The following COL4A2 variants were observed in gnomAD, a reference collection of about 807,000 sequenced individuals.
COL4A2 encodes collagen type IV alpha 2 chain.
Under a neutral mutation model 200.2 loss-of-function variants are expected in COL4A2, and 99 were observed. That is an observed-to-expected ratio of 0.49 (90% CI 0.42 to 0.58). COL4A2 has a LOEUF of 0.58. COL4A2 is among the 20% of genes least tolerant of loss of function. COL4A2 has a pLI of 0.00. For synonymous variants in COL4A2, 897 were observed against 900.6 expected (o/e 1.00, Z 0.07); for missense variants, 1,950 against 2,314.1 (o/e 0.84, Z 3.23).
intron 4 of COL4A2, among the ~76,000 whole-genome samples, chr13:110,406,041 T>C (rs1594195378): frequency 6.6e-6 from 1 of 152,356 alleles, no homozygotes. Flanking sequence ...TTTCCTGGCA[T>C]GTCAGATTTG....
chr13:110,482,499 T>C lies in COL4A2; in HGVS notation c.2759-17T>C. 1 of 1,612,534 alleles carries C rather than the reference T, an allele frequency of 6.2e-7. No individual in the cohort carries two copies. The highest frequency in any genetic ancestry group is 8.5e-7 in the Non-Finnish European group (1 of 1,178,634). On this transcript the variant is annotated splice_polypyrimidine_tract_variant and intron_variant, in intron 31 of 47. Transcript: ENST00000360467. ...TTATTCATGTCTAACCCAGCACTTT[T>C]CTCTTTTCCTCTGAAGGAGATAGAG...
chr13:110,446,517 A>G (rs1881330919), intron 17 of COL4A2, among the ~76,000 whole-genome samples: 1 of 152,222 alleles, frequency 6.6e-6, no homozygotes, highest in Non-Finnish European at 1.5e-5. Context: ...TCTGAACTAC[A>G]GAAAGCACAG....
Position 110,358,599 on chromosome 13 carries a change from C to G in COL4A2, c.180+1047C>G, listed in dbSNP as rs79745772. Among the ~76,000 whole-genome samples the G allele has an allele frequency of 6.9e-3, 1,051 of 152,316 alleles. 6 individuals are homozygous for G. Among genetic ancestry groups the G allele is most frequent in the Non-Finnish European group, 9.9e-3 (673 of 68,030 alleles). The stretch of plus-strand genomic sequence containing the variant: ...AACCAGCAACACAGCAGGTTTGTCC[C>G]CACCAGCACCACCACAAACATGTGG... On this transcript the variant is annotated intron_variant, in intron 4 of 47. Coordinates refer to ENST00000360467, the MANE Select transcript of COL4A2 (RefSeq NM_001846.4).
At chr13:110,474,142 GAAAA>G (rs1882587108) in intron 29 of COL4A2, among the ~76,000 whole-genome samples, 1 of 151,982 alleles carries the variant, frequency 6.6e-6, no homozygotes, top group Non-Finnish European at 1.5e-5. Context: ...GAAAAGAAAA[GAAAA>G]GAAAATGTGG....
intron 13 of COL4A2, 117 bp from the exon 14 acceptor site, chr13:110,437,882 TATG>T (rs1880954891): frequency 4.8e-6 from 4 of 839,040 alleles, no homozygotes; most frequent in Non-Finnish European, 6.0e-6. Flanking sequence ...GTAATCAATT[TATG>T]ATGATTGTGT....
intron 3 of COL4A2, among the ~76,000 whole-genome samples, chr13:110,331,181 T>C (rs1875895268): frequency 6.6e-6 from 1 of 152,116 alleles, no homozygotes; most frequent in Non-Finnish European, 1.5e-5. Context: ...GCCAATAAAA[T>C]CGTGTGATAG....
intron 4 of COL4A2, among the ~76,000 whole-genome samples, chr13:110,417,202 G>A (rs1043160119): frequency 3.9e-5 from 6 of 152,132 alleles, no homozygotes; most frequent in Non-Finnish European, 8.8e-5. Context: ...TGATCCGCCT[G>A]CCTCAGCCTC....
chr13:110,403,541 A>C (rs4283091), intron 4 of COL4A2, among the ~76,000 whole-genome samples: 109,156 of 152,052 alleles, frequency 0.72, 39,828 homozygotes, highest in East Asian at 0.86. Context: ...CCTTTCCTGT[A>C]CACATTTCTA....
intron 20 of COL4A2, among the ~76,000 whole-genome samples, chr13:110,452,082 G>C (rs1205627379): frequency 6.6e-6 from 1 of 152,224 alleles, no homozygotes; most frequent in Non-Finnish European, 1.5e-5. Context: ...GTTTGCTAGT[G>C]GACAGTGTTT....
chr13:110,333,900 T>G lies in COL4A2; in HGVS notation c.100-23572T>G, dbSNP rs561301401. ...CGAATGACCTCAAGTGACCTTTAGA[T>G]TAACCCTCTGAGATAGGAACTAATG... On this transcript the variant is annotated intron_variant, in intron 3 of 47. Coordinates refer to ENST00000360467, the MANE Select transcript of COL4A2 (RefSeq NM_001846.4). Among the ~76,000 whole-genome samples, 9 of 152,354 alleles carry G rather than the reference T, an allele frequency of 5.9e-5. No homozygotes were observed. The East Asian group carries it at 1.4e-3, about 23-fold the overall frequency.
rs1880960182 is a variant in COL4A2 at position 110,437,997 on chromosome 13, C to T, written c.826-5C>T. The T allele has an allele frequency of 1.9e-6, 3 of 1,611,668 alleles. No individual in the cohort carries two copies. In the African/African-American group the frequency reaches 4.0e-5, roughly 22 times the overall value. The stretch of plus-strand genomic sequence containing the variant: ...AGCGTTTCTTATTTTTCATATTCTT[C>T]ACAGGGTGAAAAAGGCAGTGAGGGG... On this transcript the variant is annotated splice_region_variant and splice_polypyrimidine_tract_variant and intron_variant, in intron 13 of 47. Transcript: ENST00000360467.
Position 110,469,323 on chromosome 13 carries a change from A to G in COL4A2, c.2202A>G (p.Pro734=). The change falls in exon 28 of 48, where the codon CCA becomes CCG. Residue 734 remains proline, a splice_region_variant and synonymous_variant. Transcript: ENST00000360467. The stretch of plus-strand genomic sequence containing the variant: ...GTCGTGAAGGGTTCCCAGGACCCCC[A>G]GGTGAGTTGAGATCAGACCCCCATT... The part of the protein sequence containing the change: ...DAGREGFPGP[P]GFIGPRGSKG... 1 of 1,574,084 alleles carries G rather than the reference A, an allele frequency of 6.4e-7. No homozygotes were observed.
intron 30 of COL4A2, among the ~76,000 whole-genome samples, chr13:110,478,409 AAAAG>A (rs1426461254): frequency 9.2e-5 from 14 of 152,376 alleles, no homozygotes; most frequent in African/African-American, 2.6e-4. Flanking sequence ...GGAAAAAAGA[AAAAG>A]AAAGAAATTC....
At chr13:110,395,702 T>C (rs746064219) in intron 4 of COL4A2, among the ~76,000 whole-genome samples, 38 of 152,278 alleles carry the variant, frequency 2.5e-4, no homozygotes, top group Non-Finnish European at 4.7e-4. Context: ...CCCAACACTT[T>C]AGGAGGCCGA....
intron 4 of COL4A2, among the ~76,000 whole-genome samples, chr13:110,371,774 G>C (rs1037509101): frequency 2.6e-5 from 4 of 152,114 alleles, no homozygotes; most frequent in African/African-American, 9.7e-5. Flanking sequence ...ATATGGGAAA[G>C]CCTGGGGCCT....
intron 26 of COL4A2, 73 bp downstream of exon 26, chr13:110,466,135 G>A (rs1426727297): frequency 6.6e-7 from 1 of 1,521,242 alleles, no homozygotes; most frequent in African/African-American, 1.4e-5. Flanking sequence ...AGCTCTTGCA[G>A]TATGCGTGGG....
intron 7 of COL4A2, 35 bp from the exon 8 acceptor site, chr13:110,429,849 GT>G: frequency 1.2e-6 from 2 of 1,600,506 alleles, no homozygotes; most frequent in Non-Finnish European, 1.7e-6. Flanking sequence ...GACTCTTTTT[GT>G]TGTTTTTTCT....
intron 4 of COL4A2, among the ~76,000 whole-genome samples, chr13:110,387,851 C>CTCTG (rs1449576255): frequency 6.6e-6 from 1 of 152,202 alleles, no homozygotes; most frequent in Non-Finnish European, 1.5e-5. Context: ...CTCTGCGGAG[C>CTCTG]TCTGACCTGC....
intron 45 of COL4A2, among the ~76,000 whole-genome samples, chr13:110,504,563 G>A (rs181659122): frequency 4.8e-4 from 73 of 152,272 alleles, no homozygotes; most frequent in African/African-American, 1.6e-3. Context: ...AAAAGAAACC[G>A]ACTATTAAAA....
Sources: allele counts gnomAD v4.1 joint callset (sites outside exome capture counted in the v4.1 genomes callset), GRCh38; gene constraint gnomAD v4.1.1; transcripts MANE v1.5; gene names NCBI Gene and HGNC (gene_info 2026-07-23, HGNC 2026-07-21).